The following PHKB variants were observed in gnomAD, a reference collection of about 807,000 sequenced individuals.
PHKB encodes phosphorylase kinase regulatory subunit beta.
A neutral mutation model predicts 152.1 loss-of-function variants in PHKB; 122 were observed. That is an observed-to-expected ratio of 0.80 (90% CI 0.69 to 0.93). PHKB has a LOEUF of 0.93. Ranked by LOEUF, PHKB falls within the 40% of genes least tolerant of loss-of-function variation. PHKB has a pLI of 0.00. For synonymous variants in PHKB, 436 were observed against 464.9 expected, an observed-to-expected ratio of 0.94 and a Z score of 0.80; for missense variants, 1,304 against 1,328.4, an observed-to-expected ratio of 0.98 and a Z score of 0.29.
At chr16:47,675,520 C>T (rs1973713902) in intron 26 of PHKB, 1 of 101,260 alleles carries the variant, frequency 9.9e-6, no homozygotes, top group African/African-American at 5.4e-5. Flanking sequence ...CACACACACA[C>T]TCTCTCTCTC....
chr16:47,666,096 T>A, intron 25 of PHKB: 2 of 1,152,128 alleles, frequency 1.7e-6, no homozygotes, highest in Non-Finnish European at 2.6e-6. Flanking sequence ...CTAGGACCCT[T>A]AATTTTAAGT....
rs1252655438 is a variant in PHKB, at chr16:47,660,774, T to TC, written c.2151_2152insC (p.Glu718ArgfsTer16). On this transcript the variant is annotated frameshift_variant, in exon 22 of 31. Transcript: ENST00000323584. LOFTEE classifies it high-confidence loss of function. Reference sequence around the variant, plus strand: ...GACAGCAGCCGGATGTCAACATTAGTGAATGGAAGGACAAACCCACCCACG... The same window carrying TC: ...GACAGCAGCCGGATGTCAACATTAGTCGAATGGAAGGACAAACCCACCCACG... 2 of 1,613,928 alleles carry TC rather than the reference T, an allele frequency of 1.2e-6. No individual in the cohort carries two copies. The highest frequency in any genetic ancestry group is 2.7e-5 in the African/African-American group (2 of 74,902).
chr16:47,594,441 C>T (rs1252926502), intron 12 of PHKB, among the ~76,000 whole-genome samples: 1 of 152,062 alleles, frequency 6.6e-6, no homozygotes, highest in African/African-American at 2.4e-5. Context: ...GGACTGAGTT[C>T]CTTCATCTGT....
At chr16:47,692,623 A>C (rs1321967094) in intron 27 of PHKB, among the ~76,000 whole-genome samples, 1 of 151,630 alleles carries the variant, frequency 6.6e-6, no homozygotes, top group Non-Finnish European at 1.5e-5. Flanking sequence ...CAAATAAATA[A>C]ATAAATAAAT....
rs374048955 is a variant in PHKB, at chr16:47,536,646, T to C, written c.595-10787T>C. On this transcript the variant is annotated intron_variant, in intron 6 of 30. Coordinates refer to ENST00000323584, the MANE Select transcript of PHKB (RefSeq NM_000293.3). ...ACATTAATATTTTTGCAGTAAGATG[T>C]ATACATATTCACACAAAGTGAGGAA... Among the ~76,000 whole-genome samples the C allele has an allele frequency of 1.6e-4, 24 of 152,342 alleles. No individual in the cohort carries two copies. In the East Asian group the frequency reaches 1.9e-3, roughly 12 times the overall value.
intron 14 of PHKB, among the ~76,000 whole-genome samples, chr16:47,622,187 TAAGGA>T: frequency 6.6e-6 from 1 of 152,274 alleles, no homozygotes; most frequent in Admixed American, 6.5e-5. Context: ...CATTTTTCTC[TAAGGA>T]AAGAAATCTC....
In PHKB at chr16:47,620,510, A is replaced by G. The variant is rs376202827; in HGVS notation, c.1458+9590A>G. On this transcript the variant is annotated intron_variant, in intron 14 of 30. Coordinates refer to ENST00000323584, the MANE Select transcript of PHKB (RefSeq NM_000293.3). ...ATGGTGGAAATTAACCTATGGGAGC[A>G]GACAATTCTTGGAAGGCCAGGCTCC... 6.6e-5 allele frequency among the ~76,000 whole-genome samples: 10 copies of G among 152,366 alleles called. No individual in the cohort carries two copies. In the East Asian group the frequency reaches 1.7e-3, roughly 26 times the overall value.
Position 47,656,263 on chromosome 16 carries a change from C to T in PHKB, c.1972-4243C>T, listed in dbSNP as rs80219513. Among the ~76,000 whole-genome samples, 1,056 of 152,306 alleles carry T rather than the reference C, an allele frequency of 6.9e-3. 13 individuals carry two copies. The highest frequency in any genetic ancestry group is 0.024 in the African/African-American group (980 of 41,564). On this transcript the variant is annotated intron_variant, in intron 20 of 30. Coordinates refer to ENST00000323584, the MANE Select transcript of PHKB (RefSeq NM_000293.3). ...CGATCTCCTGACCTCATGATCCACC[C>T]GCCTCAGCCTCCGCAAGTGCGGGGA...
At chr16:47,538,408 A>G (rs1970992254) in intron 6 of PHKB, among the ~76,000 whole-genome samples, 1 of 152,216 alleles carries the variant, frequency 6.6e-6, no homozygotes, top group South Asian at 2.1e-4. Flanking sequence ...AAAAAAGTTT[A>G]CTGTGGGATG....
At chr16:47,583,092 G>C (rs1489827294) in intron 8 of PHKB, among the ~76,000 whole-genome samples, 1 of 152,144 alleles carries the variant, frequency 6.6e-6, no homozygotes, top group Non-Finnish European at 1.5e-5. Flanking sequence ...CCACCACGCC[G>C]GGCCATGTCT....
At chr16:47,558,550 GT>G (rs1971421685) in intron 7 of PHKB, among the ~76,000 whole-genome samples, 1 of 152,094 alleles carries the variant, frequency 6.6e-6, no homozygotes, top group African/African-American at 2.4e-5. Flanking sequence ...TCTGTCTTTT[GT>G]TTGTTTTTGT....
rs138211174 is a variant in PHKB, at chr16:47,520,317, C to G, written c.594+4716C>G. ...ATAGAACTTATGTGCTGTCACTGTT[C>G]AAAGTGCTTTGCATATAGAAAAACT... On this transcript the variant is annotated intron_variant, in intron 6 of 30. Transcript: ENST00000323584. Among the ~76,000 whole-genome samples, 69 of 152,270 alleles carry G rather than the reference C, an allele frequency of 4.5e-4. 1 individual carries two copies. In the East Asian group the frequency reaches 0.011, roughly 25 times the overall value.
chr16:47,699,326 A>C lies in PHKB; in HGVS notation c.3242A>C (p.Glu1081Ala), dbSNP rs1330403719. The C allele has an allele frequency of 6.2e-7, 1 of 1,614,176 alleles. No individual in the cohort carries two copies. The highest frequency in any genetic ancestry group is 1.7e-5 in the Admixed American group (1 of 60,022). Residue 1081 changes from glutamate to alanine, a missense_variant, in exon 31 of 31, where the codon GAA (glutamate) becomes GCA (alanine). By Grantham distance (107) the Glu-to-Ala change is moderately radical. Transcript: ENST00000323584. ...KAVMNLLLEG[E>A]VKPNNDDPCL... The stretch of plus-strand genomic sequence containing the variant: ...GTGATGAATCTGCTGCTGGAAGGAG[A>C]AGTCAAGCCAAACAATGATGACCCG...
At chr16:47,591,042 C>A (rs1242183450) in intron 10 of PHKB, among the ~76,000 whole-genome samples, 1 of 152,064 alleles carries the variant, frequency 6.6e-6, no homozygotes, top group Non-Finnish European at 1.5e-5. Flanking sequence ...CTGTGTATAC[C>A]CCATCCTATT....
At chr16:47,471,208 G>A (rs1211542433) in intron 1 of PHKB, among the ~76,000 whole-genome samples, 1 of 152,160 alleles carries the variant, frequency 6.6e-6, no homozygotes, top group African/African-American at 2.4e-5. Flanking sequence ...ACTCTAGGCT[G>A]AGGATCCTGG....
At chr16:47,472,373 C>A (rs1170752036) in intron 1 of PHKB, among the ~76,000 whole-genome samples, 1 of 152,148 alleles carries the variant, frequency 6.6e-6, no homozygotes, top group African/African-American at 2.4e-5. Flanking sequence ...AAACAACTGC[C>A]CATTGCGGTG....
At chr16:47,479,121 G>A (rs1204630256) in intron 1 of PHKB, among the ~76,000 whole-genome samples, 1 of 152,110 alleles carries the variant, frequency 6.6e-6, no homozygotes, top group Admixed American at 6.6e-5. Flanking sequence ...TTGACTGTCG[G>A]GGGAGTTAGG....
At chr16:47,544,663 G>A (rs1597072157) in intron 6 of PHKB, among the ~76,000 whole-genome samples, 1 of 152,134 alleles carries the variant, frequency 6.6e-6, no homozygotes, top group African/African-American at 2.4e-5. Context: ...CTGTCTTGTT[G>A]ATCTGTCTAA....
At chr16:47,605,515 C>T (rs1383142597) in intron 13 of PHKB, among the ~76,000 whole-genome samples, 1 of 152,164 alleles carries the variant, frequency 6.6e-6, no homozygotes, top group Non-Finnish European at 1.5e-5. Flanking sequence ...GTTTCTATAG[C>T]ATGACAGTGA....
Sources: gnomAD v4.1 joint callset for allele counts (sites outside exome capture counted in the v4.1 genomes callset) on GRCh38, gnomAD v4.1.1 for gene constraint, MANE v1.5 for transcripts, NCBI Gene and HGNC (gene_info 2026-07-23, HGNC 2026-07-21) for gene names.